The following UMAD1 variants were observed in gnomAD, a reference collection of about 807,000 sequenced individuals.
UMAD1 encodes the protein UBAP1-MVB12-associated (UMA)-domain containing protein 1.
A neutral mutation model predicts 6.1 loss-of-function variants in UMAD1; 8 were observed. The observed-to-expected ratio is 1.30, with a 90% confidence interval of 0.76 to 2.35. The LOEUF (loss-of-function observed/expected upper bound fraction) is 2.35. UMAD1 is among the 30% of genes most tolerant of loss of function. The probability of loss-of-function intolerance (pLI) is 0.00; values close to 1 mark genes in which losing one functional copy is unlikely to be tolerated. For missense variants in UMAD1, 130 were observed against 78.4 expected, an observed-to-expected ratio of 1.66 and a Z score of -2.49; for synonymous variants, 56 against 31.4, an observed-to-expected ratio of 1.78 and a Z score of -2.61.
At chr7:7,850,411 CA>C (rs1783886890) in intron 3 of UMAD1, among the ~76,000 whole-genome samples, 1 of 152,050 alleles carries the variant, frequency 6.6e-6, no homozygotes, top group South Asian at 2.1e-4. Context: ...AGAAATTTTG[CA>C]TCGTTCCTTT....
intron 2 of UMAD1, among the ~76,000 whole-genome samples, chr7:7,745,323 G>T (rs1006147273): frequency 6.6e-6 from 1 of 152,106 alleles, no homozygotes; most frequent in African/African-American, 2.4e-5. Flanking sequence ...AGGGTCAGCT[G>T]TACTTTCTTT....
chr7:7,781,023 C>G (rs1782333714), intron 2 of UMAD1, among the ~76,000 whole-genome samples: 1 of 152,020 alleles, frequency 6.6e-6, no homozygotes. Flanking sequence ...AGAATAAATC[C>G]TGGAAGTGGA....
intron 2 of UMAD1, among the ~76,000 whole-genome samples, chr7:7,680,792 T>A (rs536370126): frequency 1.3e-5 from 2 of 152,256 alleles, no homozygotes; most frequent in Non-Finnish European, 2.9e-5. Flanking sequence ...GTATTTTATT[T>A]TACTGGTAGC....
chr7:7,643,140 G>A (rs952365355), intron 1 of UMAD1, among the ~76,000 whole-genome samples: 1 of 152,220 alleles, frequency 6.6e-6, no homozygotes, highest in East Asian at 1.9e-4. Context: ...ATTCTGCAGC[G>A]CCAGGGAGAG....
intron 2 of UMAD1, among the ~76,000 whole-genome samples, chr7:7,730,993 T>A (rs1781238335): frequency 6.6e-6 from 1 of 152,132 alleles, no homozygotes; most frequent in Non-Finnish European, 1.5e-5. Context: ...TGATCAAGTA[T>A]GTTTTTTGTT....
At chr7:7,684,728 ATT>A (rs1779999102) in intron 2 of UMAD1, among the ~76,000 whole-genome samples, 1 of 152,204 alleles carries the variant, frequency 6.6e-6, no homozygotes, top group African/African-American at 2.4e-5. Flanking sequence ...ACAACTATGA[ATT>A]TATGTGAAAT....
At chr7:7,823,404 A>G (rs1333330874) in intron 3 of UMAD1, among the ~76,000 whole-genome samples, 1 of 152,144 alleles carries the variant, frequency 6.6e-6, no homozygotes, top group East Asian at 1.9e-4. Context: ...TTAGACCAAA[A>G]AAAGTTATCT....
At chr7:7,671,210 T>G (rs940862837) in intron 1 of UMAD1, among the ~76,000 whole-genome samples, 2 of 152,372 alleles carry the variant, frequency 1.3e-5, no homozygotes, top group African/African-American at 4.8e-5. Flanking sequence ...CAGCTTCGTG[T>G]GTCAATAGCC....
At chr7:7,710,885 A>G (rs975898559) in intron 2 of UMAD1, among the ~76,000 whole-genome samples, 4 of 152,220 alleles carry the variant, frequency 2.6e-5, no homozygotes, top group African/African-American at 7.2e-5. Context: ...GATATATACA[A>G]CAACCTGGAT....
At chr7:7,645,999 G>T (rs891857860) in intron 1 of UMAD1, among the ~76,000 whole-genome samples, 1 of 152,162 alleles carries the variant, frequency 6.6e-6, no homozygotes, top group East Asian at 1.9e-4. Context: ...AACCCCTTAC[G>T]GGAGAGGGAG....
At chr7:7,840,799 G>A (rs1460081821) in intron 3 of UMAD1, among the ~76,000 whole-genome samples, 1 of 152,150 alleles carries the variant, frequency 6.6e-6, no homozygotes, top group Non-Finnish European at 1.5e-5. Flanking sequence ...GATCATCAAG[G>A]AAAGTTCCTA....
chr7:7,839,928 G>C (rs1783646526), intron 3 of UMAD1, among the ~76,000 whole-genome samples: 1 of 152,174 alleles, frequency 6.6e-6, no homozygotes, highest in Non-Finnish European at 1.5e-5. Flanking sequence ...CTGCAGGTTT[G>C]CAGTTGGCAG....
intron 3 of UMAD1, among the ~76,000 whole-genome samples, chr7:7,835,438 A>ATTTTTTTTTTTTTTT (rs1783547126): frequency 2.3e-5 from 1 of 43,010 alleles, no homozygotes; most frequent in Non-Finnish European, 5.2e-5. Context: ...ATTTTCATTC[A>ATTTTTTTTTTTTTTT]TTCATTCACT....
intron 2 of UMAD1, among the ~76,000 whole-genome samples, chr7:7,698,185 T>G (rs1302931099): frequency 6.6e-6 from 1 of 152,244 alleles, no homozygotes; most frequent in East Asian, 1.9e-4. Flanking sequence ...TTATTTATTT[T>G]GAATTGCTAT....
At chr7:7,710,596 G>T (rs990174322) in intron 2 of UMAD1, among the ~76,000 whole-genome samples, 9 of 152,168 alleles carry the variant, frequency 5.9e-5, no homozygotes, top group African/African-American at 2.2e-4. Context: ...ATCACTTATT[G>T]ATGATAGGAA....
At chr7:7,803,357 C>T (rs1385190830) in intron 3 of UMAD1, among the ~76,000 whole-genome samples, 2 of 152,146 alleles carry the variant, frequency 1.3e-5, no homozygotes, top group African/African-American at 4.8e-5. Flanking sequence ...TGCCTGTAGT[C>T]CCAGCTACTC....
At chr7:7,676,730 C>T (rs990065935) in intron 2 of UMAD1, among the ~76,000 whole-genome samples, 2 of 151,862 alleles carry the variant, frequency 1.3e-5, no homozygotes, top group African/African-American at 4.8e-5. Context: ...TTTCAGAAAA[C>T]TCCTTGATGA....
intron 2 of UMAD1, among the ~76,000 whole-genome samples, chr7:7,784,581 G>A (rs1246948188): frequency 2.0e-5 from 3 of 151,090 alleles, no homozygotes; most frequent in South Asian, 2.1e-4. Context: ...TTCTGACCTC[G>A]TGATCCGCCC....
chr7:7,672,922 A>G (rs771620080), intron 1 of UMAD1, among the ~76,000 whole-genome samples: 2 of 152,194 alleles, frequency 1.3e-5, no homozygotes, highest in Non-Finnish European at 2.9e-5. Context: ...TAGTCACAAC[A>G]TGACAAGAAA....
Sources: allele counts gnomAD v4.1 joint callset (sites outside exome capture counted in the v4.1 genomes callset), GRCh38; gene constraint gnomAD v4.1.1; transcripts MANE v1.5; gene names NCBI Gene and HGNC (gene_info 2026-07-23, HGNC 2026-07-21).